Variants in USH2A observed in about 807,000 individuals in gnomAD.
USH2A encodes the protein usherin.
In USH2A, 443 loss-of-function variants were observed where a neutral mutation model predicts 538.9. The observed-to-expected ratio is 0.82, with a 90% CI of 0.76 to 0.89. The LOEUF (loss-of-function observed/expected upper bound fraction) is 0.89, where lower values mean the gene tolerates loss of function less well. USH2A is among the 40% of genes least tolerant of loss of function. USH2A has a pLI of 0.00. For synonymous variants in USH2A, 2,413 were observed against 2,273.5 expected (o/e 1.06, Z -1.75); for missense variants, 6,633 against 6,324.8 (o/e 1.05, Z -1.65).
At chr1:216,119,608 A>G (rs1319653543) in intron 21 of USH2A, among the ~76,000 whole-genome samples, 1 of 152,126 alleles carries the variant, frequency 6.6e-6, no homozygotes, top group Non-Finnish European at 1.5e-5. Flanking sequence ...TAAACGAAAT[A>G]TCCCATATAA....
chr1:216,158,312 C>A (rs1039917804), intron 21 of USH2A, among the ~76,000 whole-genome samples: 2 of 151,970 alleles, frequency 1.3e-5, no homozygotes, highest in Non-Finnish European at 2.9e-5. Flanking sequence ...CAAGGCTCAC[C>A]GCAGCCTTGA....
chr1:215,971,716 T>C (rs1020664439), intron 35 of USH2A, among the ~76,000 whole-genome samples: 11 of 152,230 alleles, frequency 7.2e-5, no homozygotes, highest in African/African-American at 2.7e-4. Context: ...AATGCTATCA[T>C]ATTTTATTTC....
chr1:215,685,355 T>C (rs1571957006), intron 61 of USH2A, among the ~76,000 whole-genome samples: 1 of 12,060 alleles, frequency 8.3e-5, no homozygotes, highest in Admixed American at 1.2e-3. Context: ...GTTGTTGTTG[T>C]TTTTTTTTTT....
At chr1:216,159,856 T>G (rs968436249) in intron 21 of USH2A, among the ~76,000 whole-genome samples, 1 of 152,138 alleles carries the variant, frequency 6.6e-6, no homozygotes, top group Non-Finnish European at 1.5e-5. Context: ...ACCACATAGA[T>G]TTTCTAGATC....
rs967773067 is a variant in USH2A, at chr1:216,142,403, A to G, written c.4627+32849T>C. 7.2e-5 allele frequency among the ~76,000 whole-genome samples: 11 copies of G among 152,364 alleles called. No individual in the cohort carries two copies. The East Asian group carries it at 7.7e-4, about 11-fold the overall frequency. ...GTTCAATCATGTTTCTTGTTCCTCT[A>G]TGTAAACAATATTTCTCCACAATAG... is the stretch of plus-strand genomic sequence containing the variant. On this transcript the variant is annotated intron_variant, in intron 21 of 71. Coordinates refer to ENST00000307340, the MANE Select transcript of USH2A (RefSeq NM_206933.4).
intron 61 of USH2A, among the ~76,000 whole-genome samples, chr1:215,716,332 G>C (rs919471440): frequency 1.3e-5 from 2 of 152,204 alleles, no homozygotes; most frequent in Admixed American, 6.5e-5. Flanking sequence ...TGGCAGAGCA[G>C]GCTGCCCCTG....
chr1:216,018,392 G>C (rs1461480311), intron 32 of USH2A, among the ~76,000 whole-genome samples: 3 of 152,182 alleles, frequency 2.0e-5, no homozygotes, highest in Non-Finnish European at 4.4e-5. Flanking sequence ...AAAGACAGCT[G>C]TACTGTAGGA....
intron 3 of USH2A, among the ~76,000 whole-genome samples, chr1:216,403,898 C>T (rs1305368543): frequency 6.6e-6 from 1 of 152,076 alleles, no homozygotes; most frequent in Non-Finnish European, 1.5e-5. Flanking sequence ...GATCTGATGG[C>T]TTAATAAGGG....
At chr1:216,230,157 A>G (rs600535) in intron 14 of USH2A, among the ~76,000 whole-genome samples, 28,750 of 152,078 alleles carry the variant, frequency 0.19, 3,125 homozygotes, top group Non-Finnish European at 0.25. Context: ...TCTCCTGGTA[A>G]ATGTGGTCAG....
intron 21 of USH2A, among the ~76,000 whole-genome samples, chr1:216,140,017 A>G (rs777597085): frequency 1.3e-5 from 2 of 152,226 alleles, no homozygotes; most frequent in Non-Finnish European, 2.9e-5. Flanking sequence ...ATTCAACACA[A>G]GCTTCCTTCA....
intron 55 of USH2A, among the ~76,000 whole-genome samples, chr1:215,767,902 C>T (rs553650113): frequency 3.3e-5 from 5 of 152,224 alleles, no homozygotes; most frequent in Non-Finnish European, 7.4e-5. Flanking sequence ...TGCCAAAGCT[C>T]TCTTTGAGAA....
chr1:215,771,485 C>T (rs1300744478), intron 55 of USH2A, among the ~76,000 whole-genome samples: 3 of 144,612 alleles, frequency 2.1e-5, no homozygotes, highest in East Asian at 2.1e-4. Context: ...GAGGCTGAGG[C>T]AGGAGAATGG....
intron 32 of USH2A, among the ~76,000 whole-genome samples, chr1:216,028,589 A>T (rs1054993253): frequency 1.3e-5 from 2 of 152,070 alleles, no homozygotes; most frequent in Admixed American, 1.3e-4. Flanking sequence ...ATTGACTACA[A>T]GTTTTAAAAA....
In USH2A at chr1:216,351,419, C is replaced by T. The variant is rs965230861; in HGVS notation, c.784+13534G>A. Among the ~76,000 whole-genome samples, 85 of 152,018 alleles carry T rather than the reference C, an allele frequency of 5.6e-4. 2 individuals are homozygous for T. The highest frequency in any genetic ancestry group is 4.8e-5 in the African/African-American group (2 of 41,384). On this transcript the variant is annotated intron_variant, in intron 4 of 71. Transcript: ENST00000307340. Reference sequence around the variant, plus strand: ...GAAAAGTTCCAGGTTGAAAGAACAGCGAATGGTATCAAGGCAGAAGTGCAC... The same window carrying T: ...GAAAAGTTCCAGGTTGAAAGAACAGTGAATGGTATCAAGGCAGAAGTGCAC...
rs543933462 is a variant in USH2A at position 215,882,219 on chromosome 1, C to T, written c.8224-3121G>A. Among the ~76,000 whole-genome samples, 5 of 152,284 alleles carry T rather than the reference C, an allele frequency of 3.3e-5. No individual in the cohort carries two copies. The East Asian group carries it at 9.7e-4, about 29-fold the overall frequency. On this transcript the variant is annotated intron_variant, in intron 41 of 71. Coordinates refer to ENST00000307340, the MANE Select transcript of USH2A (RefSeq NM_206933.4). ...TCTCCAGGCCTCGGAACCCTCATGT[C>T]TAATGTGATGAGACAATCCTTGCCA... is the stretch of plus-strand genomic sequence containing the variant.
At chr1:215,641,914 T>C (rs2102637348) in intron 67 of USH2A, among the ~76,000 whole-genome samples, 1 of 152,336 alleles carries the variant, frequency 6.6e-6, no homozygotes, top group African/African-American at 2.4e-5. Context: ...TCAAGCCCTC[T>C]TTAAATCTCA....
At chr1:216,243,605 C>T (rs1316226738) in intron 13 of USH2A, among the ~76,000 whole-genome samples, 1 of 152,096 alleles carries the variant, frequency 6.6e-6, no homozygotes, top group Non-Finnish European at 1.5e-5. Flanking sequence ...CAGGTAACAG[C>T]TTAAAGATAA....
intron 18 of USH2A, 130 bp from the exon 19 acceptor site, chr1:216,196,852 G>C: frequency 1.8e-6 from 2 of 1,136,460 alleles, no homozygotes; most frequent in Non-Finnish European, 2.5e-6. Flanking sequence ...CTTTGAAAAA[G>C]TCCAAGAATA....
intron 9 of USH2A, among the ~76,000 whole-genome samples, chr1:216,302,609 T>C (rs983167965): frequency 1.3e-5 from 2 of 152,260 alleles, no homozygotes; most frequent in Admixed American, 6.5e-5. Context: ...CTACTAATAC[T>C]GTTGGACAAT....
Sources: gnomAD v4.1 joint callset for allele counts (sites outside exome capture counted in the v4.1 genomes callset) on GRCh38, gnomAD v4.1.1 for gene constraint, MANE v1.5 for transcripts, NCBI Gene and HGNC (gene_info 2026-07-23, HGNC 2026-07-21) for gene names.